Variants in POLE observed in about 807,000 individuals in gnomAD.
POLE encodes the protein DNA polymerase epsilon, catalytic subunit, also known as DNA polymerase epsilon catalytic subunit A.
In POLE, 188 loss-of-function variants were observed where a neutral mutation model predicts 279.2. The ratio of observed to expected loss-of-function variants is 0.67; its 90% confidence interval spans 0.60 to 0.76. The LOEUF (loss-of-function observed/expected upper bound fraction) is 0.76, where lower values mean the gene tolerates loss of function less well. Ranked by LOEUF, POLE falls within the 30% of genes least tolerant of loss-of-function variation. POLE has a pLI of 0.00. For synonymous variants in POLE, 1,214 were observed against 1,172.5 expected, an observed-to-expected ratio of 1.04 and a Z score of -0.72; for missense variants, 2,703 against 3,016.7, an observed-to-expected ratio of 0.90 and a Z score of 2.44.
Position 132,667,608 on chromosome 12 carries a change from C to G in POLE, c.2214G>C (p.Lys738Asn), listed in dbSNP as rs749305408. 8.7e-6 allele frequency: 14 copies of G among 1,614,126 alleles called. No homozygotes were observed. Among genetic ancestry groups the G allele is most frequent in the Non-Finnish European group, 1.1e-5 (13 of 1,179,966 alleles). The change falls in exon 20 of 49, where the codon AAG (lysine) becomes AAC (asparagine). Residue 738 changes from lysine to asparagine, a missense_variant. Physicochemically the swap from Lys to Asn is moderately conservative, Grantham distance 94 (BLOSUM62 0). Transcript: ENST00000320574. The stretch of plus-strand genomic sequence containing the variant: ...AGATGGTGGTGAGACGCTCTTCCAC[C>G]TTGGTGATGTGGATCTTCTTGTAGG... Reference protein sequence around the residue: ...RKAYKKIHITKVEERLTTICQ... With the variant: ...RKAYKKIHITNVEERLTTICQ...
intron 13 of POLE, 40 bp from the exon 14 acceptor site, chr12:132,673,317 A>G (rs2042973958): frequency 7.1e-7 from 1 of 1,402,534 alleles, no homozygotes; most frequent in Non-Finnish European, 1.0e-6. Context: ...ATCAAAAATC[A>G]AGAGCCCAGG....
rs986934653 is a variant in POLE, at chr12:132,639,590, C to T, written c.5379-292G>A. Among the ~76,000 whole-genome samples, 2 of 152,224 alleles carry T rather than the reference C, an allele frequency of 1.3e-5. No homozygotes were observed. The highest frequency in any genetic ancestry group is 2.9e-5 in the Non-Finnish European group (2 of 68,042). Reference sequence around the variant, plus strand: ...GACGGGAGGGCAGCACAGTACAAAGCAGCAAGTGTGTGACGGGCCGGGGAC... The same window carrying T: ...GACGGGAGGGCAGCACAGTACAAAGTAGCAAGTGTGTGACGGGCCGGGGAC... On this transcript the variant is annotated intron_variant, in intron 39 of 48. Transcript: ENST00000320574. This position sits in a 1 kb window ranked among gnomAD's most constrained non-coding sequence, Gnocchi z 4.7.
Position 132,660,965 on chromosome 12 carries a change from T to C in POLE, c.3060+4A>G. The C allele has an allele frequency of 6.3e-7, 1 of 1,598,350 alleles. No homozygotes were observed. The highest frequency in any genetic ancestry group is 8.5e-7 in the Non-Finnish European group (1 of 1,171,788). On this transcript the variant is annotated splice_donor_region_variant and intron_variant, in intron 25 of 48. Coordinates refer to ENST00000320574, the MANE Select transcript of POLE (RefSeq NM_006231.4). ...GCAGGTGAGGGTGGAGGGTAGGCCTTTACCTTGCTGTACAGCACGTCCAGC... is the reference window on the plus strand; with the variant it reads ...GCAGGTGAGGGTGGAGGGTAGGCCTCTACCTTGCTGTACAGCACGTCCAGC...
chr12:132,643,210 G>A lies in POLE; in HGVS notation c.4551+14C>T, dbSNP rs776156587. The A allele has an allele frequency of 6.2e-6, 10 of 1,610,294 alleles. No individual in the cohort carries two copies. The South Asian group carries it at 9.9e-5, about 16-fold the overall frequency. Reference sequence around the variant, plus strand: ...CCCCAGCCAATGTGCTGCCATGGAGGGCCCAGGACTCACAGTGTCCAGCAC... The same window carrying A: ...CCCCAGCCAATGTGCTGCCATGGAGAGCCCAGGACTCACAGTGTCCAGCAC... On this transcript the variant is annotated intron_variant, in intron 35 of 48. Transcript: ENST00000320574.
rs1276765389 is a variant in POLE at position 132,624,376 on chromosome 12, G to C, written c.*321C>G. On this transcript the variant is annotated 3_prime_UTR_variant, in exon 49 of 49. Coordinates refer to ENST00000320574, the MANE Select transcript of POLE (RefSeq NM_006231.4). ...CCTAGAGGACGCTCCCACCCCACCAGGTGTGGTGCAGGAAGCAACAGAGGC... is the reference window on the plus strand; with the variant it reads ...CCTAGAGGACGCTCCCACCCCACCACGTGTGGTGCAGGAAGCAACAGAGGC... 4.6e-6 allele frequency: 2 copies of C among 434,556 alleles called. No homozygotes were observed. Among genetic ancestry groups the C allele is most frequent in the Non-Finnish European group, 4.2e-6 (1 of 236,572 alleles). The allele number at this position is 434,556 out of a possible 1,614,324, so 26.9% of individuals were successfully genotyped here.
chr12:132,642,037 G>C, intron 38 of POLE, 140 bp downstream of exon 38: 1 of 951,610 alleles, frequency 1.1e-6, no homozygotes, highest in Admixed American at 2.2e-5. Flanking sequence ...CTTGACCCCA[G>C]GACCGTCTCC....
chr12:132,658,065 T>C lies in POLE; in HGVS notation c.3276-95A>G, dbSNP rs890583314. On this transcript the variant is annotated intron_variant, in intron 26 of 48. Coordinates refer to ENST00000320574, the MANE Select transcript of POLE (RefSeq NM_006231.4). Reference sequence around the variant, plus strand: ...TCAAATGAACATGGAAATAAGGACGTGTAACAGCTGTTCACAAACATCAAT... The same window carrying C: ...TCAAATGAACATGGAAATAAGGACGCGTAACAGCTGTTCACAAACATCAAT... 11 of 791,352 alleles carry C rather than the reference T, an allele frequency of 1.4e-5. No individual in the cohort carries two copies. The Admixed American group carries it at 1.6e-4, about 11-fold the overall frequency. 49.0% of individuals were successfully genotyped at this position (791,352 alleles called of 1,614,324 possible). A position where few individuals can be genotyped will look rare whatever the true frequency, so the allele number is the denominator to read the frequency against.
rs1060504066 is a variant in POLE, at chr12:132,643,495, C to T, written c.4356G>A (p.Val1452=). 1.2e-6 allele frequency: 2 copies of T among 1,614,222 alleles called. No individual in the cohort carries two copies. Among genetic ancestry groups the T allele is most frequent in the South Asian group, 1.1e-5 (1 of 91,090 alleles). The stretch of plus-strand genomic sequence containing the variant: ...CTGCTTCCCAGCCTGAAAGGTGCCT[C>T]ACCAGCTGTTTATTGACCACACACA... ...GCVCVVNKQL[V]RHLSGWEAET... Residue 1452 remains valine (V), a synonymous_variant, in exon 34 of 49, where the codon GTG becomes GTA. Transcript: ENST00000320574.
In POLE at chr12:132,642,242, C is replaced by T. The variant is rs961736994; in HGVS notation, c.5108G>A (p.Cys1703Tyr). 6.2e-7 allele frequency: 1 copy of T among 1,611,092 alleles called. No homozygotes were observed. The highest frequency in any genetic ancestry group is 8.5e-7 in the Non-Finnish European group (1 of 1,178,580). Residue 1703 changes from cysteine (C) to tyrosine (Y), a missense_variant, in exon 38 of 49, where the codon TGT becomes TAT. This residue lies in a region of POLE where 1,551 missense variants were observed against 1,686.1 expected (regional missense o/e 0.92). Transcript: ENST00000320574. ...DLGGKEADDN[C>Y]LVMEFDDQAT... ...TTGGTCATCGAACTCCATGACAAGA[C>T]AGTTGTCATCAGCCTCCTTTCCACC...
intron 29 of POLE, among the ~76,000 whole-genome samples, chr12:132,656,365 C>T (rs899175269): frequency 4.1e-5 from 6 of 145,766 alleles, no homozygotes; most frequent in African/African-American, 1.2e-4. Flanking sequence ...GAACCTTTTT[C>T]TTTTTTTTTT....
At position 132,664,756 on chromosome 12, in the gene POLE, C is replaced by T. The variant is rs560006476; in HGVS notation, c.2469-294G>A. Among the ~76,000 whole-genome samples the T allele has an allele frequency of 8.3e-4, 126 of 152,168 alleles. 2 individuals are homozygous for T. Among genetic ancestry groups the T allele is most frequent in the Non-Finnish European group, 8.1e-4 (55 of 67,992 alleles). On this transcript the variant is annotated intron_variant, in intron 21 of 48. Coordinates refer to ENST00000320574, the MANE Select transcript of POLE (RefSeq NM_006231.4). The surrounding 1 kb of genome is among the most constrained non-coding windows in gnomAD (Gnocchi z 5.3). Reference sequence around the variant, plus strand: ...TCTTAATACCACCCAGACCCATTCACGCCTTCTCTACTCTCTTCACACCTC... The same window carrying T: ...TCTTAATACCACCCAGACCCATTCATGCCTTCTCTACTCTCTTCACACCTC...
chr12:132,643,044 G>C, intron 35 of POLE, 48 bp from the exon 36 acceptor site: 2 of 1,541,394 alleles, frequency 1.3e-6, no homozygotes, highest in Non-Finnish European at 1.7e-6. Flanking sequence ...AGGAGGAAGT[G>C]GGGGCAGCCC....
chr12:132,643,189 A>G (rs764662228), intron 35 of POLE, 35 bp downstream of exon 35: 2 of 1,600,188 alleles, frequency 1.2e-6, no homozygotes, highest in Non-Finnish European at 1.7e-6. Context: ...ACCCTGCCCC[A>G]GCCAATGTGC....
In POLE at chr12:132,632,266, AC is replaced by A. The variant is rs746030076; in HGVS notation, c.6330+48del. On this transcript the variant is annotated intron_variant, in intron 45 of 48. Transcript: ENST00000320574. ...TTGCACACAGTAACATTCTCGCCTT[AC>A]ACATGTACGTTAGTGTCCTCTCCTC... The A allele has an allele frequency of 5.6e-6, 8 of 1,439,152 alleles. No homozygotes were observed. The Middle Eastern group carries it at 8.0e-4, about 144-fold the overall frequency. The allele number at this position is 1,439,152 out of a possible 1,614,324, so 89.1% of individuals were successfully genotyped here.
At position 132,642,995 on chromosome 12, in the gene POLE, A is replaced by G; in HGVS notation, c.4553T>C (p.Val1518Ala). 6.3e-7 allele frequency: 1 copy of G among 1,590,664 alleles called. No individual in the cohort carries two copies. The highest frequency in any genetic ancestry group is 8.5e-7 in the Non-Finnish European group (1 of 1,171,646). Residue 1518 changes from valine (V) to alanine (A), a missense_variant and splice_region_variant, in exon 36 of 49, where the codon GTG (valine) becomes GCG (alanine). Physicochemically the swap from Val to Ala is moderately conservative, Grantham distance 64. Transcript: ENST00000320574. The stretch of plus-strand genomic sequence containing the variant: ...AAGGCTGGGCATCTGGTTGCTGCGC[A>G]CCTAGACCAACGCAGGCCACGTCAG... ...RRASVFVLDT[V>A]RSNQMPSLGA... is the part of the protein sequence containing the mutation.
intron 29 of POLE, among the ~76,000 whole-genome samples, chr12:132,653,955 G>A (rs1408551282): frequency 6.6e-6 from 1 of 152,120 alleles, no homozygotes; most frequent in Non-Finnish European, 1.5e-5. Flanking sequence ...ATGAATTAGT[G>A]GATTTCTCCC....
At chr12:132,640,704 C>G (rs140601517) in intron 39 of POLE, among the ~76,000 whole-genome samples, 119 of 152,380 alleles carry the variant, frequency 7.8e-4, no homozygotes, top group Middle Eastern at 6.8e-3. Flanking sequence ...AGAGAACCTA[C>G]AGAGGTCCAA....
rs546638076 is a variant in POLE at position 132,638,663 on chromosome 12, T to C, written c.5552+462A>G. 1.9e-3 allele frequency: 337 copies of C among 175,358 alleles called. 3 individuals carry two copies. Among genetic ancestry groups the C allele is most frequent in the African/African-American group, 7.9e-3 (333 of 42,044 alleles). 10.9% of individuals were successfully genotyped at this position (175,358 alleles called of 1,614,324 possible). ...AGGATTCATCCCGAGTTACAACACC[T>C]CTGAGGCCTGCAAGAGGGCTACGCC... On this transcript the variant is annotated intron_variant, in intron 40 of 48. Coordinates refer to ENST00000320574, the MANE Select transcript of POLE (RefSeq NM_006231.4).
In POLE at chr12:132,664,758, C is replaced by A. The variant is rs1457931917; in HGVS notation, c.2469-296G>T. ...TTAATACCACCCAGACCCATTCACG[C>A]CTTCTCTACTCTCTTCACACCTCCT... On this transcript the variant is annotated intron_variant, in intron 21 of 48. Coordinates refer to ENST00000320574, the MANE Select transcript of POLE (RefSeq NM_006231.4). This position sits in a 1 kb window ranked among gnomAD's most constrained non-coding sequence, Gnocchi z 5.3. 6.6e-6 allele frequency among the ~76,000 whole-genome samples: 1 copy of A among 152,202 alleles called. No individual in the cohort carries two copies. Among genetic ancestry groups the A allele is most frequent in the Middle Eastern group, 3.4e-3 (1 of 294 alleles).
Sources: allele counts gnomAD v4.1 joint callset (sites outside exome capture counted in the v4.1 genomes callset), GRCh38; gene constraint gnomAD v4.1.1; regional missense constraint gnomAD v4.1.1; non-coding constraint Gnocchi (gnomAD v3.1); transcripts MANE v1.5; gene names NCBI Gene and HGNC (gene_info 2026-07-23, HGNC 2026-07-21).